Variants in ADAMTS16 observed in about 807,000 individuals in gnomAD.
The protein encoded by ADAMTS16 is ADAM metallopeptidase with thrombospondin type 1 motif 16.
In ADAMTS16, 94 loss-of-function variants were observed where a neutral mutation model predicts 145.8. That is an observed-to-expected ratio of 0.64 (90% CI 0.55 to 0.77). The LOEUF (loss-of-function observed/expected upper bound fraction) is 0.77, where lower values mean the gene tolerates loss of function less well. Ranked by LOEUF, ADAMTS16 falls within the 30% of genes least tolerant of loss-of-function variation. The pLI is 0.00. For synonymous variants in ADAMTS16, 659 were observed against 604.3 expected (o/e 1.09, Z -1.33); for missense variants, 1,585 against 1,591.5 (o/e 1.00, Z 0.07).
chr5:5,183,287 G>A (rs572793590), intron 4 of ADAMTS16, among the ~76,000 whole-genome samples: 1 of 152,310 alleles, frequency 6.6e-6, no homozygotes, highest in African/African-American at 2.4e-5. Context: ...TGAGCAGGAG[G>A]CTGAGAGAGT....
At position 5,318,228 on chromosome 5, in the gene ADAMTS16, C is replaced by T. The variant is rs750241464; in HGVS notation, c.3506C>T (p.Pro1169Leu). ...TCAGGCTGCCTCCTGCACCAGAAGC[C>T]TTCGGCCTCCCTGGCCTGCAACACT... ...PASGCLLHQK[P>L]SASLACNTHF... The change falls in exon 22 of 23, where the codon CCT becomes CTT. Residue 1169 changes from proline (P) to leucine (L), a missense_variant. This residue lies in a region of ADAMTS16 where 834 missense variants were observed against 811.7 expected (regional missense o/e 1.03). Transcript: ENST00000274181. 3.8e-6 allele frequency: 6 copies of T among 1,568,146 alleles called. No homozygotes were observed. Among genetic ancestry groups the T allele is most frequent in the Non-Finnish European group, 4.3e-6 (5 of 1,152,134 alleles).
chr5:5,261,489 C>CTTTTT (rs10719029), intron 17 of ADAMTS16, among the ~76,000 whole-genome samples: 2 of 105,512 alleles, frequency 1.9e-5, no homozygotes, highest in Non-Finnish European at 2.0e-5. Flanking sequence ...GTTATAGCCT[C>CTTTTT]TTTTTTTTTT....
rs754764761 is a variant in ADAMTS16 at position 5,235,048 on chromosome 5, A to G, written c.1885A>G (p.Thr629Ala). The change falls in exon 13 of 23, where the codon ACT (threonine) becomes GCT (alanine). Residue 629 changes from threonine (T) to alanine (A), a missense_variant. Physicochemically the swap from Thr to Ala is moderately conservative, Grantham distance 58. This residue lies in a region of ADAMTS16 where 834 missense variants were observed against 811.7 expected (regional missense o/e 1.03). Transcript: ENST00000274181. ...TGGAGGGAAGTTCTGTGAGGGCTCC[A>G]CTCGCACTCTGAAGCTCTGCAACAG... ...SHGGKFCEGS[T>A]RTLKLCNSQK... The G allele has an allele frequency of 6.3e-7, 1 of 1,595,970 alleles. No individual in the cohort carries two copies. Among genetic ancestry groups the G allele is most frequent in the Non-Finnish European group, 8.6e-7 (1 of 1,165,546 alleles).
At chr5:5,172,534 G>C (rs1735069601) in intron 3 of ADAMTS16, among the ~76,000 whole-genome samples, 2 of 151,972 alleles carry the variant, frequency 1.3e-5, no homozygotes, top group Admixed American at 6.5e-5. Flanking sequence ...TAATTTCCAT[G>C]TGTTTGTATG....
chr5:5,187,801 A>T lies in ADAMTS16; in HGVS notation c.1040A>T (p.Asp347Val), dbSNP rs368399302. 6.3e-7 allele frequency: 1 copy of T among 1,592,820 alleles called. No individual in the cohort carries two copies. Among genetic ancestry groups the T allele is most frequent in the Non-Finnish European group, 8.6e-7 (1 of 1,161,006 alleles). The change falls in exon 6 of 23, where the codon GAT becomes GTT. Residue 347 changes from aspartate to valine, a missense_variant. Physicochemically the swap from Asp to Val is radical, Grantham distance 152 (BLOSUM62 -3). Transcript: ENST00000274181. The part of the protein sequence containing the change: ...IAIVGLILLE[D>V]EQPGLVISHH... ...ATTGTAGGTCTGATTCTTCTAGAAG[A>T]TGAACAGGTAGTTTATCTTTGAAAC... is the stretch of plus-strand genomic sequence containing the variant.
intron 18 of ADAMTS16, among the ~76,000 whole-genome samples, chr5:5,272,031 G>C (rs1239152027): frequency 6.6e-6 from 1 of 152,122 alleles, no homozygotes; most frequent in Non-Finnish European, 1.5e-5. Flanking sequence ...GCAATGAAAA[G>C]GGGGGAGCAA....
chr5:5,294,402 A>G (rs1335959239), intron 18 of ADAMTS16, among the ~76,000 whole-genome samples: 1 of 152,218 alleles, frequency 6.6e-6, no homozygotes, highest in Admixed American at 6.5e-5. Context: ...TCTGCAGGAC[A>G]GATCAGTGGA....
intron 8 of ADAMTS16, among the ~76,000 whole-genome samples, chr5:5,192,862 T>A (rs1325409002): frequency 6.6e-6 from 1 of 152,198 alleles, no homozygotes; most frequent in Non-Finnish European, 1.5e-5. Context: ...AGGGCCCATT[T>A]CCTGCCCAAG....
At chr5:5,223,096 C>A (rs1337511714) in intron 11 of ADAMTS16, 1 of 543,162 alleles carries the variant, frequency 1.8e-6, no homozygotes, top group Non-Finnish European at 3.3e-6. Flanking sequence ...TGATGAGCTA[C>A]CTGGAATTCA....
intron 18 of ADAMTS16, among the ~76,000 whole-genome samples, chr5:5,283,845 A>T (rs757997064): frequency 2.7e-4 from 41 of 152,160 alleles, no homozygotes; most frequent in Non-Finnish European, 5.6e-4. Flanking sequence ...TAATTAAACC[A>T]TCCTTGCACT....
intron 18 of ADAMTS16, among the ~76,000 whole-genome samples, chr5:5,268,411 C>T (rs902937298): frequency 1.3e-5 from 2 of 152,254 alleles, no homozygotes; most frequent in South Asian, 2.1e-4. Context: ...TCTCATCAGA[C>T]GCTCGGTCAC....
chr5:5,296,951 G>A (rs1278787671), intron 18 of ADAMTS16, among the ~76,000 whole-genome samples: 6 of 152,226 alleles, frequency 3.9e-5, no homozygotes, highest in Non-Finnish European at 7.3e-5. Flanking sequence ...CACAGAAGCG[G>A]CAAGGGAGAG....
intron 18 of ADAMTS16, among the ~76,000 whole-genome samples, chr5:5,280,314 T>C (rs1429978765): frequency 6.6e-6 from 1 of 152,206 alleles, no homozygotes; most frequent in East Asian, 1.9e-4. Context: ...GTTCATCCAT[T>C]TCTCTAGAGA....
At chr5:5,278,115 C>T (rs1738770803) in intron 18 of ADAMTS16, among the ~76,000 whole-genome samples, 1 of 151,958 alleles carries the variant, frequency 6.6e-6, no homozygotes, top group South Asian at 2.1e-4. Flanking sequence ...ACTTAGTGAC[C>T]ACGTGAACAT....
chr5:5,239,355 T>A, intron 15 of ADAMTS16, 81 bp downstream of exon 15: 1 of 1,491,752 alleles, frequency 6.7e-7, no homozygotes, highest in Non-Finnish European at 8.9e-7. Flanking sequence ...GAGGTGACAG[T>A]GAAAACAGCA....
intron 21 of ADAMTS16, among the ~76,000 whole-genome samples, chr5:5,311,710 C>A (rs567757117): frequency 6.6e-6 from 1 of 151,290 alleles, no homozygotes; most frequent in Admixed American, 6.6e-5. Context: ...CCATGCCCAG[C>A]TAGTTTTTGT....
chr5:5,238,326 T>C (rs1737175303), intron 14 of ADAMTS16, among the ~76,000 whole-genome samples: 1 of 152,224 alleles, frequency 6.6e-6, no homozygotes, highest in Non-Finnish European at 1.5e-5. Context: ...GACTACTGAT[T>C]GGTTTTATTT....
intron 8 of ADAMTS16, among the ~76,000 whole-genome samples, chr5:5,194,879 A>T (rs930316949): frequency 1.2e-4 from 19 of 152,170 alleles, no homozygotes; most frequent in Non-Finnish European, 2.4e-4. Flanking sequence ...AACGTGTAAA[A>T]CATACTGCTT....
intron 3 of ADAMTS16, among the ~76,000 whole-genome samples, chr5:5,157,373 A>T (rs1404830268): frequency 6.6e-6 from 1 of 151,862 alleles, no homozygotes; most frequent in Non-Finnish European, 1.5e-5. Flanking sequence ...AAATCTTAGC[A>T]GTTTTGTAGC....
Sources: gnomAD v4.1 joint callset for allele counts (sites outside exome capture counted in the v4.1 genomes callset) on GRCh38, gnomAD v4.1.1 for gene constraint, gnomAD v4.1.1 regional missense constraint, MANE v1.5 for transcripts, NCBI Gene and HGNC (gene_info 2026-07-23, HGNC 2026-07-21) for gene names.